ARL3: variants seen among roughly 807,000 people sequenced by gnomAD.
The protein encoded by ARL3 is ADP-ribosylation factor-like protein 3.
ARL3 carries 9 observed loss-of-function variants against 26.0 expected under a neutral mutation model. The ratio of observed to expected loss-of-function variants is 0.35; its 90% confidence interval spans 0.21 to 0.60. The LOEUF (loss-of-function observed/expected upper bound fraction) is 0.60, where lower values mean the gene tolerates loss of function less well. ARL3 is among the 20% of genes least tolerant of loss of function. ARL3 has a pLI of 0.78. For missense variants in ARL3, 158 were observed against 215.7 expected (o/e 0.73, Z 1.67); for synonymous variants, 71 against 78.4 (o/e 0.91, Z 0.50).
At chr10:102,681,334 G>A (rs1203696165) in intron 5 of ARL3, among the ~76,000 whole-genome samples, 1 of 150,522 alleles carries the variant, frequency 6.6e-6, no homozygotes, top group African/African-American at 2.5e-5. Context: ...GGAGGTTGCA[G>A]TGAGCCAAGG....
At chr10:102,679,288 T>C (rs1037987372) in intron 5 of ARL3, among the ~76,000 whole-genome samples, 2 of 152,194 alleles carry the variant, frequency 1.3e-5, no homozygotes, top group African/African-American at 4.8e-5. Context: ...GGAAAGGCAA[T>C]GGTGGTGCCC....
In ARL3 at chr10:102,685,799, C is replaced by A. The variant is rs2064181047; in HGVS notation, c.501+17G>T. 15 of 1,585,520 alleles carry A rather than the reference C, an allele frequency of 9.5e-6. No individual in the cohort carries two copies. The highest frequency in any genetic ancestry group is 1.3e-5 in the Non-Finnish European group (15 of 1,165,294). On this transcript the variant is annotated intron_variant, in intron 5 of 5. Transcript: ENST00000260746. ...GCTGTCATGTTGCCAGGTGGCCAAG[C>A]CTTCCTGTAATCTCACCTGAACGCC...
chr10:102,683,175 G>A, intron 5 of ARL3, among the ~76,000 whole-genome samples: 1 of 152,172 alleles, frequency 6.6e-6, no homozygotes, highest in East Asian at 1.9e-4. Context: ...TTGGGTCAGA[G>A]GCACCACCTT....
intron 5 of ARL3, among the ~76,000 whole-genome samples, chr10:102,678,595 G>A (rs892651735): frequency 2.0e-5 from 3 of 152,152 alleles, no homozygotes; most frequent in African/African-American, 7.2e-5. Flanking sequence ...TCTCCTCTAC[G>A]GAGGCTCGCA....
intron 4 of ARL3, among the ~76,000 whole-genome samples, chr10:102,687,125 C>A (rs559493744): frequency 3.8e-4 from 57 of 151,700 alleles, no homozygotes; most frequent in African/African-American, 1.2e-3. Flanking sequence ...ATCCACCCCC[C>A]ACCTTGGCCT....
At chr10:102,686,974 C>T (rs1339988790) in intron 4 of ARL3, among the ~76,000 whole-genome samples, 1 of 144,080 alleles carries the variant, frequency 6.9e-6, no homozygotes, top group Non-Finnish European at 1.5e-5. Context: ...CTCCCGGGTT[C>T]AAGCAATTCT....
intron 5 of ARL3, among the ~76,000 whole-genome samples, chr10:102,677,357 C>T (rs935074234): frequency 2.0e-5 from 3 of 152,212 alleles, no homozygotes; most frequent in Admixed American, 6.5e-5. Flanking sequence ...CATGTGTTTA[C>T]AGTGTGACAG....
intron 4 of ARL3, among the ~76,000 whole-genome samples, chr10:102,689,525 G>C (rs2064205524): frequency 6.7e-6 from 1 of 150,262 alleles, no homozygotes; most frequent in Non-Finnish European, 1.5e-5. Flanking sequence ...CTCAACAGAA[G>C]AATTAGTATT....
At chr10:102,709,896 T>C (rs1256910873) in intron 1 of ARL3, among the ~76,000 whole-genome samples, 1 of 151,746 alleles carries the variant, frequency 6.6e-6, no homozygotes, top group Non-Finnish European at 1.5e-5. Context: ...TGGCCAGGCA[T>C]GGTGGTGGGC....
chr10:102,702,618 C>T (rs2064286125), intron 2 of ARL3, among the ~76,000 whole-genome samples: 1 of 152,080 alleles, frequency 6.6e-6, no homozygotes, highest in Non-Finnish European at 1.5e-5. Flanking sequence ...TTGAGAGACA[C>T]AGTTTATTGC....
At chr10:102,704,570 G>A (rs977564980) in intron 2 of ARL3, among the ~76,000 whole-genome samples, 3 of 152,188 alleles carry the variant, frequency 2.0e-5, no homozygotes, top group Non-Finnish European at 4.4e-5. Flanking sequence ...AACCTGGGAG[G>A]CGGAGGTTGC....
chr10:102,714,114 G>A (rs2064366295), intron 1 of ARL3, among the ~76,000 whole-genome samples, 159 bp downstream of exon 1: 1 of 152,002 alleles, frequency 6.6e-6, no homozygotes, highest in African/African-American at 2.4e-5. Flanking sequence ...CCACCCTCGG[G>A]TCTCCCCGCC....
At chr10:102,708,908 A>ATATATATATTTTTTTTT in intron 1 of ARL3, among the ~76,000 whole-genome samples, 2 of 95,348 alleles carry the variant, frequency 2.1e-5, no homozygotes, top group African/African-American at 8.4e-5. Context: ...ATATATATAT[A>ATATATATATTTTTTTTT]TTTTTTTTTT....
At chr10:102,684,766 G>A (rs952519521) in intron 5 of ARL3, among the ~76,000 whole-genome samples, 20 of 151,830 alleles carry the variant, frequency 1.3e-4, no homozygotes, top group Middle Eastern at 6.8e-3. Flanking sequence ...AGCCTCCCAA[G>A]TAGCTGGGAT....
At chr10:102,699,596 A>G (rs1413129163) in intron 2 of ARL3, 107 bp from the exon 3 acceptor site, 1 of 635,468 alleles carries the variant, frequency 1.6e-6, no homozygotes, top group Non-Finnish European at 2.8e-6. Flanking sequence ...GTACTCTGCC[A>G]TATGTGATAC....
intron 1 of ARL3, among the ~76,000 whole-genome samples, chr10:102,713,550 T>C (rs998123810): frequency 5.9e-5 from 9 of 152,196 alleles, no homozygotes; most frequent in African/African-American, 1.9e-4. Flanking sequence ...GCAGCTAATA[T>C]GTCTTCATCA....
At chr10:102,683,629 C>G (rs2064167121) in intron 5 of ARL3, among the ~76,000 whole-genome samples, 1 of 152,164 alleles carries the variant, frequency 6.6e-6, no homozygotes, top group East Asian at 1.9e-4. Flanking sequence ...AATAATCTCA[C>G]TTTACTCACT....
intron 3 of ARL3, among the ~76,000 whole-genome samples, chr10:102,691,659 A>T (rs7076963): frequency 0.054 from 8,162 of 152,230 alleles, 738 homozygotes; most frequent in African/African-American, 0.19. Context: ...GGCAGCCTGG[A>T]TCAATTTGTC....
At chr10:102,705,596 T>C (rs779199206) in intron 1 of ARL3, 107 bp from the exon 2 acceptor site, 176 of 1,149,990 alleles carry the variant, frequency 1.5e-4, no homozygotes, top group Non-Finnish European at 1.9e-4. Context: ...TATGGAGAGC[T>C]TATGTTATTA....
Sources: allele counts gnomAD v4.1 joint callset (sites outside exome capture counted in the v4.1 genomes callset), GRCh38; gene constraint gnomAD v4.1.1; transcripts MANE v1.5; gene names NCBI Gene and HGNC (gene_info 2026-07-23, HGNC 2026-07-21).